STMND1: variants seen among roughly 807,000 people sequenced by gnomAD.
The protein encoded by STMND1 is stathmin domain containing 1.
STMND1 carries 17 observed loss-of-function variants against 23.0 expected under a neutral mutation model. The observed-to-expected ratio is 0.74, with a 90% CI of 0.51 to 1.11. The LOEUF is 1.11. STMND1 is among the 50% of genes least tolerant of loss of function. STMND1 has a pLI of 0.00. For synonymous variants in STMND1, 114 were observed against 119.9 expected, an observed-to-expected ratio of 0.95 and a Z score of 0.32; for missense variants, 305 against 329.1, an observed-to-expected ratio of 0.93 and a Z score of 0.57.
At chr6:17,110,641 T>A in intron 1 of STMND1, 1 of 323,494 alleles carries the variant, frequency 3.1e-6, no homozygotes, top group Non-Finnish European at 6.1e-6. Context: ...GGTGGTGCGC[T>A]CCTGTAACCT....
intron 3 of STMND1, among the ~76,000 whole-genome samples, chr6:17,122,598 G>A (rs1761248215): frequency 6.6e-6 from 1 of 151,978 alleles, no homozygotes; most frequent in South Asian, 2.1e-4. Flanking sequence ...ATGAATAAAA[G>A]CCAAAGTGGC....
chr6:17,112,737 A>G (rs1761110265), intron 1 of STMND1, among the ~76,000 whole-genome samples: 1 of 152,158 alleles, frequency 6.6e-6, no homozygotes, highest in Non-Finnish European at 1.5e-5. Context: ...AGATTGCGCC[A>G]CTGTACTCCA....
rs1428608829 is a variant in STMND1 at position 17,130,811 on chromosome 6, A to G, written c.761A>G (p.Glu254Gly). ...KCDATLIDRNESDESFGVVES... is the reference protein window; with the variant it reads ...KCDATLIDRNGSDESFGVVES... ...GATGCAACCTTGATTGATAGAAACG[A>G]AAGTGATGAAAGTTTTGGGGTCGTG... The change falls in exon 5 of 5, where the codon GAA (glutamate) becomes GGA (glycine). Residue 254 changes from glutamate (E) to glycine (G), a missense_variant. Physicochemically the swap from Glu to Gly is moderately conservative, Grantham distance 98 (BLOSUM62 -2). Coordinates refer to ENST00000536551, the MANE Select transcript of STMND1 (RefSeq NM_001190766.2). The G allele has an allele frequency of 6.5e-7, 1 of 1,536,042 alleles. No homozygotes were observed. Among genetic ancestry groups the G allele is most frequent in the Admixed American group, 2.0e-5 (1 of 50,998 alleles).
chr6:17,124,889 C>T (rs945853134), intron 3 of STMND1, among the ~76,000 whole-genome samples: 1 of 150,908 alleles, frequency 6.6e-6, no homozygotes, highest in Non-Finnish European at 1.5e-5. Context: ...GTTACAGCTA[C>T]TTAGGAGGCT....
At chr6:17,105,302 G>A (rs1761008137) in intron 1 of STMND1, among the ~76,000 whole-genome samples, 1 of 152,200 alleles carries the variant, frequency 6.6e-6, no homozygotes, top group South Asian at 2.1e-4. Flanking sequence ...TCATACCAAT[G>A]CCTGACGCAG....
intron 1 of STMND1, among the ~76,000 whole-genome samples, chr6:17,107,706 T>C (rs9477321): frequency 0.55 from 83,522 of 152,040 alleles, 23,119 homozygotes; most frequent in Middle Eastern, 0.69. Flanking sequence ...AAGAGATCCT[T>C]TCACCTCAGC....
intron 3 of STMND1, among the ~76,000 whole-genome samples, chr6:17,126,066 ATATATTTTTTTTTTTTT>A (rs1272562800): frequency 8.6e-5 from 2 of 23,298 alleles, no homozygotes; most frequent in South Asian, 2.6e-3. Context: ...ATATATATAT[ATATATTTTTTTTTTTTT>A]TTTTTTTTTT....
intron 1 of STMND1, among the ~76,000 whole-genome samples, chr6:17,104,637 ACTT>A (rs1333300087): frequency 1.3e-5 from 2 of 151,934 alleles, no homozygotes; most frequent in Non-Finnish European, 2.9e-5. Context: ...TCCTTTTTCT[ACTT>A]CCTGCTACAC....
At chr6:17,126,379 G>T (rs551036199) in intron 3 of STMND1, among the ~76,000 whole-genome samples, 1 of 151,992 alleles carries the variant, frequency 6.6e-6, no homozygotes, top group African/African-American at 2.4e-5. Flanking sequence ...CTTCCTCTGT[G>T]GGGAGGATCA....
intron 1 of STMND1, 150 bp from the exon 2 acceptor site, chr6:17,114,812 G>C (rs1761136403): frequency 2.6e-6 from 2 of 758,112 alleles, no homozygotes; most frequent in African/African-American, 3.6e-5. Flanking sequence ...ATGTGGCCCA[G>C]GGGGTTGGGG....
chr6:17,104,488 T>C (rs566603612), intron 1 of STMND1, among the ~76,000 whole-genome samples: 38 of 152,278 alleles, frequency 2.5e-4, no homozygotes, highest in African/African-American at 9.1e-4. Flanking sequence ...TCTCCAAGCG[T>C]CAAATACAAG....
At chr6:17,129,390 A>C in intron 4 of STMND1, 147 bp downstream of exon 4, 3 of 806,234 alleles carry the variant, frequency 3.7e-6, no homozygotes, top group Non-Finnish European at 5.3e-6. Flanking sequence ...ATTTTTTTAA[A>C]AGACAAAGTC....
chr6:17,126,068 ATATTTTTTT>A (rs1761298668), intron 3 of STMND1, among the ~76,000 whole-genome samples: 1 of 21,386 alleles, frequency 4.7e-5, no homozygotes, highest in South Asian at 3.0e-3. Flanking sequence ...ATATATATAT[ATATTTTTTT>A]TTTTTTTTTT....
At chr6:17,119,289 T>C (rs11965937) in intron 2 of STMND1, among the ~76,000 whole-genome samples, 47,973 of 152,070 alleles carry the variant, frequency 0.32, 7,742 homozygotes, top group Middle Eastern at 0.34. Flanking sequence ...TCTCCTATAC[T>C]GGAGAGGTTA....
At position 17,102,219 on chromosome 6, in the gene STMND1, A is replaced by G. The variant is rs1354742685; in HGVS notation, c.-39A>G. 8 of 1,505,670 alleles carry G rather than the reference A, an allele frequency of 5.3e-6. No homozygotes were observed. The African/African-American group carries it at 1.0e-4, about 19-fold the overall frequency. The allele number at this position is 1,505,670 out of a possible 1,614,324, so 93.3% of individuals were successfully genotyped here. A position where few individuals can be genotyped will look rare whatever the true frequency, so the allele number is the denominator to read the frequency against. On this transcript the variant is annotated 5_prime_UTR_variant, in exon 1 of 5. Coordinates refer to ENST00000536551, the MANE Select transcript of STMND1 (RefSeq NM_001190766.2). ...GCAGGGAGCGCTCGCGGGGGCGCAC[A>G]GCAGCCAAGCCCGCGGAGGAGGAGC... is the stretch of plus-strand genomic sequence containing the variant.
chr6:17,126,054 ATATATATATATATATATTT>A (rs1761293240), intron 3 of STMND1, among the ~76,000 whole-genome samples: 1 of 24,102 alleles, frequency 4.1e-5, no homozygotes, highest in African/African-American at 1.9e-4. Flanking sequence ...ATATATATAT[ATATATATATATATATATTT>A]TTTTTTTTTT....
chr6:17,123,314 C>T lies in STMND1; in HGVS notation c.411+2556C>T, dbSNP rs114657203. Among the ~76,000 whole-genome samples, 120 of 152,234 alleles carry T rather than the reference C, an allele frequency of 7.9e-4. 1 individual carries two copies. In the Middle Eastern group the frequency reaches 0.01, roughly 13 times the overall value. On this transcript the variant is annotated intron_variant, in intron 3 of 4. Coordinates refer to ENST00000536551, the MANE Select transcript of STMND1 (RefSeq NM_001190766.2). ...AGGCATATAGAATGGTTGTTGGGAA[C>T]GTTCTCAAAAGGATTTAAATGTGAC...
chr6:17,102,667 C>T (rs1022337867), intron 1 of STMND1, among the ~76,000 whole-genome samples: 2 of 152,090 alleles, frequency 1.3e-5, no homozygotes, highest in African/African-American at 2.4e-5. Context: ...AAGGAATAAC[C>T]GGATGAGCAG....
intron 3 of STMND1, among the ~76,000 whole-genome samples, chr6:17,123,482 C>T (rs1406735590): frequency 2.6e-5 from 4 of 152,176 alleles, no homozygotes; most frequent in East Asian, 1.9e-4. Flanking sequence ...CTTAACCCGC[C>T]GGTACATTGG....
Sources: allele counts gnomAD v4.1 joint callset (sites outside exome capture counted in the v4.1 genomes callset), GRCh38; gene constraint gnomAD v4.1.1; transcripts MANE v1.5; gene names NCBI Gene and HGNC (gene_info 2026-07-23, HGNC 2026-07-21).